Variants in BCAS3 observed in about 807,000 individuals in gnomAD.
BCAS3 encodes BCAS4/BCAS3 fusion.
In BCAS3, 53 loss-of-function variants were observed where a neutral mutation model predicts 116.1. The observed-to-expected ratio is 0.46, with a 90% CI of 0.37 to 0.57. The LOEUF (loss-of-function observed/expected upper bound fraction) is 0.57. Ranked by LOEUF, BCAS3 falls within the 20% of genes least tolerant of loss-of-function variation. The pLI, the probability that BCAS3 is intolerant of heterozygous loss-of-function variation, is 0.00. For missense variants in BCAS3, 917 were observed against 1,165.4 expected, an observed-to-expected ratio of 0.79 and a Z score of 3.10; for synonymous variants, 391 against 408.2, an observed-to-expected ratio of 0.96 and a Z score of 0.51.
rs1029194849 is a variant in BCAS3 at position 61,143,202 on chromosome 17, A to T, written c.2425+58638A>T. On this transcript the variant is annotated intron_variant, in intron 22 of 23. Coordinates refer to ENST00000407086, the MANE Select transcript of BCAS3 (RefSeq NM_017679.5). The stretch of plus-strand genomic sequence containing the variant: ...CTTGTTAGTAAAAAACATTGCTAGG[A>T]TGTACTTAGTAATTGGAGTCAGCTG... Among the ~76,000 whole-genome samples the T allele has an allele frequency of 3.9e-5, 6 of 152,290 alleles. No homozygotes were observed. The East Asian group carries it at 9.7e-4, about 25-fold the overall frequency.
At chr17:61,212,381 G>C (rs2081512167) in intron 22 of BCAS3, among the ~76,000 whole-genome samples, 1 of 152,108 alleles carries the variant, frequency 6.6e-6, no homozygotes, top group Non-Finnish European at 1.5e-5. Flanking sequence ...GAGATAACTA[G>C]TGAGGGCCAC....
intron 19 of BCAS3, among the ~76,000 whole-genome samples, chr17:61,059,101 GAGAC>G (rs2069705421): frequency 1.4e-4 from 1 of 7,234 alleles, no homozygotes; most frequent in Non-Finnish European, 7.2e-4. Flanking sequence ...TTTTTTTTTT[GAGAC>G]AGAGTCTCGT....
At chr17:61,320,407 C>A (rs772905938) in intron 22 of BCAS3, among the ~76,000 whole-genome samples, 1 of 151,808 alleles carries the variant, frequency 6.6e-6, no homozygotes, top group Admixed American at 6.6e-5. Context: ...GAAGGCCAGG[C>A]GCCGTGGCTC....
chr17:61,157,938 A>G (rs1256056845), intron 22 of BCAS3, among the ~76,000 whole-genome samples: 2 of 152,138 alleles, frequency 1.3e-5, no homozygotes, highest in South Asian at 2.1e-4. Context: ...TCCTGATGCA[A>G]TATTGAAAAC....
At chr17:61,374,785 G>A (rs2059251785) in intron 23 of BCAS3, among the ~76,000 whole-genome samples, 1 of 152,172 alleles carries the variant, frequency 6.6e-6, no homozygotes, top group Non-Finnish European at 1.5e-5. Context: ...ATTACGGCCA[G>A]TGCATTCTAG....
At position 61,226,734 on chromosome 17, in the gene BCAS3, A is replaced by G. The variant is rs1043678506; in HGVS notation, c.2426-141593A>G. 1.3e-5 allele frequency among the ~76,000 whole-genome samples: 2 copies of G among 152,136 alleles called. No homozygotes were observed. Among genetic ancestry groups the G allele is most frequent in the African/African-American group, 4.8e-5 (2 of 41,432 alleles). On this transcript the variant is annotated intron_variant, in intron 22 of 23. Coordinates refer to ENST00000407086, the MANE Select transcript of BCAS3 (RefSeq NM_017679.5). This position sits in a 1 kb window ranked among gnomAD's most constrained non-coding sequence, Gnocchi z 6.0. The stretch of plus-strand genomic sequence containing the variant: ...TTAGAAACCTTTAATTGACTACCTA[A>G]TATGTGCCAGATACCCATAGCTTTA...
At chr17:61,260,272 A>G (rs1189605108) in intron 22 of BCAS3, among the ~76,000 whole-genome samples, 1 of 152,192 alleles carries the variant, frequency 6.6e-6, no homozygotes, top group Non-Finnish European at 1.5e-5. Flanking sequence ...ATTACCCAAT[A>G]TGAAAACAGT....
At chr17:60,859,450 G>GT (rs1046701109) in intron 7 of BCAS3, among the ~76,000 whole-genome samples, 1 of 151,992 alleles carries the variant, frequency 6.6e-6, no homozygotes, top group Non-Finnish European at 1.5e-5. Context: ...TCTGTATTAG[G>GT]TTTTCTGTTC....
chr17:61,135,290 A>G (rs1448631739), intron 22 of BCAS3, among the ~76,000 whole-genome samples: 5 of 152,236 alleles, frequency 3.3e-5, no homozygotes, highest in Non-Finnish European at 5.9e-5. Flanking sequence ...TGACTTTGCC[A>G]CACTAATCAA....
At position 61,332,912 on chromosome 17, in the gene BCAS3, G is replaced by A. The variant is rs1040244838; in HGVS notation, c.2426-35415G>A. Among the ~76,000 whole-genome samples, 3 of 152,102 alleles carry A rather than the reference G, an allele frequency of 2.0e-5. No homozygotes were observed. Among genetic ancestry groups the A allele is most frequent in the Non-Finnish European group, 2.9e-5 (2 of 68,010 alleles). On this transcript the variant is annotated intron_variant, in intron 22 of 23. Coordinates refer to ENST00000407086, the MANE Select transcript of BCAS3 (RefSeq NM_017679.5). The surrounding 1 kb of genome is among the most constrained non-coding windows in gnomAD (Gnocchi z 5.4). ...ATTATAGGCGTGAGCCATGGCACCC[G>A]GCCTATCCCCATCTTAAAAAGGAGG...
intron 7 of BCAS3, among the ~76,000 whole-genome samples, chr17:60,841,383 T>C (rs2144760814): frequency 6.7e-6 from 1 of 149,480 alleles, no homozygotes; most frequent in Admixed American, 6.7e-5. Flanking sequence ...TCTCATACTT[T>C]TTTTTTTTTT....
In BCAS3 at chr17:61,015,857, A is replaced by G; in HGVS notation, c.1593A>G (p.Gln531=). 1 of 1,614,116 alleles carries G rather than the reference A, an allele frequency of 6.2e-7. No individual in the cohort carries two copies. Among genetic ancestry groups the G allele is most frequent in the Non-Finnish European group, 8.5e-7 (1 of 1,179,972 alleles). Residue 531 remains glutamine (Q), a synonymous_variant, in exon 16 of 24, where the codon CAA becomes CAG. Coordinates refer to ENST00000407086, the MANE Select transcript of BCAS3 (RefSeq NM_017679.5). ...PSLMVVMPLA[Q]IKQPMTLGTI... is the part of the protein sequence containing the mutation. ...TGATGGTAGTGATGCCTCTTGCACAAATCAAGCAGCCAATGACATTGGGGA... is the reference window on the plus strand; with the variant it reads ...TGATGGTAGTGATGCCTCTTGCACAGATCAAGCAGCCAATGACATTGGGGA...
rs2065264987 is a variant in BCAS3, at chr17:61,013,881, A to G, written c.1487-1870A>G. ...CACTGTCATCTTGTTACGATTTTTT[A>G]GAAAGGCACTTTTGACTTTTCACTA... On this transcript the variant is annotated intron_variant, in intron 15 of 23. Transcript: ENST00000407086. This position sits in a 1 kb window ranked among gnomAD's most constrained non-coding sequence, Gnocchi z 4.4. Among the ~76,000 whole-genome samples, 1 of 152,110 alleles carries G rather than the reference A, an allele frequency of 6.6e-6. No homozygotes were observed. The highest frequency in any genetic ancestry group is 1.5e-5 in the Non-Finnish European group (1 of 67,992).
intron 22 of BCAS3, among the ~76,000 whole-genome samples, chr17:61,267,683 C>T (rs1200461603): frequency 6.7e-6 from 1 of 148,914 alleles, no homozygotes; most frequent in Non-Finnish European, 1.5e-5. Flanking sequence ...GATCGTGCCA[C>T]TGCACTCCAG....
At chr17:61,187,410 G>A (rs540740694) in intron 22 of BCAS3, among the ~76,000 whole-genome samples, 2 of 152,318 alleles carry the variant, frequency 1.3e-5, no homozygotes, top group Non-Finnish European at 2.9e-5. Context: ...GAGTTATTGA[G>A]TAGCACTGAT....
At chr17:60,698,176 C>T (rs1303051618) in intron 4 of BCAS3, among the ~76,000 whole-genome samples, 6 of 118,826 alleles carry the variant, frequency 5.0e-5, no homozygotes, top group African/African-American at 1.8e-4. Context: ...AGCGAGACTC[C>T]GTCTCACAAA....
At chr17:61,289,834 G>A (rs1046957249) in intron 22 of BCAS3, among the ~76,000 whole-genome samples, 1 of 152,182 alleles carries the variant, frequency 6.6e-6, no homozygotes, top group Non-Finnish European at 1.5e-5. Flanking sequence ...TAGGGAGTAA[G>A]TAACATTTTT....
At chr17:61,312,250 T>A (rs1047699897) in intron 22 of BCAS3, among the ~76,000 whole-genome samples, 1 of 152,180 alleles carries the variant, frequency 6.6e-6, no homozygotes, top group Non-Finnish European at 1.5e-5. Flanking sequence ...GGAGGGTCTG[T>A]TAGACAGGTC....
chr17:60,790,731 T>C (rs1469112202), intron 6 of BCAS3, among the ~76,000 whole-genome samples: 1 of 150,308 alleles, frequency 6.7e-6, no homozygotes, highest in Non-Finnish European at 1.5e-5. Context: ...ACATTAGTTG[T>C]GTTTGTAGGT....
Sources: gnomAD v4.1 joint callset for allele counts (sites outside exome capture counted in the v4.1 genomes callset) on GRCh38, gnomAD v4.1.1 for gene constraint, Gnocchi (gnomAD v3.1) non-coding constraint, MANE v1.5 for transcripts, NCBI Gene and HGNC (gene_info 2026-07-23, HGNC 2026-07-21) for gene names.